The following PLD2 variants were observed in gnomAD, a reference collection of about 807,000 sequenced individuals.
PLD2 encodes phospholipase D2.
In PLD2, 101 loss-of-function variants were observed where a neutral mutation model predicts 119.8. The ratio of observed to expected loss-of-function variants is 0.84; its 90% CI spans 0.72 to 0.99. The LOEUF (loss-of-function observed/expected upper bound fraction) is 0.99. PLD2 is among the 50% of genes least tolerant of loss of function. The probability of loss-of-function intolerance (pLI) is 0.00; values close to 1 mark genes in which losing one functional copy is unlikely to be tolerated. For missense variants in PLD2, 1,164 were observed against 1,226.8 expected (o/e 0.95, Z 0.76); for synonymous variants, 494 against 482.8 (o/e 1.02, Z -0.30).
rs1452859523 is a variant in PLD2 at position 4,816,980 on chromosome 17, C to T, written c.1626C>T (p.Asp542=). The T allele has an allele frequency of 8.7e-6, 14 of 1,613,918 alleles. No individual in the cohort carries two copies. Among genetic ancestry groups the T allele is most frequent in the Non-Finnish European group, 1.1e-5 (13 of 1,179,944 alleles). The change falls in exon 16 of 25, where the codon GAC becomes GAT. Residue 542 remains aspartate, a synonymous_variant. Transcript: ENST00000263088. The stretch of plus-strand genomic sequence containing the variant: ...CGACCCCTCGGATGCCATGGCGGGA[C>T]GTTGGGGTGGTCGTCCATGGCCTAC... The part of the protein sequence containing the change: ...RETTPRMPWR[D]VGVVVHGLPA...
At chr17:4,810,135 C>T (rs966910822) in intron 9 of PLD2, 106 bp downstream of exon 9, 1 of 1,162,812 alleles carries the variant, frequency 8.6e-7, no homozygotes, top group African/African-American at 1.5e-5. Flanking sequence ...GGCTTTTCCA[C>T]CTCCCTGGAT....
Position 4,821,876 on chromosome 17 carries a change from T to C in PLD2, c.2546T>C (p.Met849Thr), listed in dbSNP as rs769207467. 4 of 1,613,332 alleles carry C rather than the reference T, an allele frequency of 2.5e-6. No individual in the cohort carries two copies. Among genetic ancestry groups the C allele is most frequent in the East Asian group, 2.2e-5 (1 of 44,876 alleles). The change falls in exon 24 of 25, where the codon ATG becomes ACG. Residue 849 changes from methionine to threonine, a missense_variant. By Grantham distance (81) the Met-to-Thr change is moderately conservative. Coordinates refer to ENST00000263088, the MANE Select transcript of PLD2 (RefSeq NM_002663.5). ...CDDFFQLWQD[M>T]AESNANIYEQ... ...GACTTCTTCCAGTTGTGGCAAGACA[T>C]GGCTGAGAGCAACGCCAATATCTAT...
Position 4,816,653 on chromosome 17 carries a change from C to T in PLD2, c.1489C>T (p.Pro497Ser), listed in dbSNP as rs769157537. Residue 497 changes from proline (P) to serine (S), a missense_variant, in exon 15 of 25, where the codon CCA (proline) becomes TCA (serine). By Grantham distance (74) the Pro-to-Ser change is moderately conservative. Coordinates refer to ENST00000263088, the MANE Select transcript of PLD2 (RefSeq NM_002663.5). ...CCCGCGCCCAGACTCACCAGCCACC[C>T]CAGACCTCTCTCACAACCAATTCTT... The part of the protein sequence containing the change: ...PTPRPDSPAT[P>S]DLSHNQFFWL... 27 of 1,613,984 alleles carry T rather than the reference C, an allele frequency of 1.7e-5. No homozygotes were observed. Among genetic ancestry groups the T allele is most frequent in the African/African-American group, 4.0e-5 (3 of 74,910 alleles).
intron 23 of PLD2, among the ~76,000 whole-genome samples, chr17:4,820,965 C>T (rs189369651): frequency 4.0e-5 from 6 of 150,172 alleles, no homozygotes; most frequent in East Asian, 4.0e-4. Context: ...TGCAGTGGCG[C>T]GATCTCGGCT....
intron 7 of PLD2, 70 bp downstream of exon 7, chr17:4,809,621 G>C: frequency 6.2e-7 from 1 of 1,609,030 alleles, no homozygotes; most frequent in Admixed American, 1.7e-5. Context: ...CCTGAGATTG[G>C]GGCAAGCAGT....
chr17:4,821,182 A>G (rs550531799), intron 23 of PLD2, among the ~76,000 whole-genome samples: 6 of 150,204 alleles, frequency 4.0e-5, no homozygotes, highest in African/African-American at 1.5e-4. Context: ...GATTACAGGC[A>G]TGAGCCACCG....
chr17:4,811,297 C>CTTTTTTTTT (rs35190261), intron 10 of PLD2, among the ~76,000 whole-genome samples: 1 of 77,824 alleles, frequency 1.3e-5, no homozygotes, highest in Non-Finnish European at 2.5e-5. Flanking sequence ...ATTTTCTTTT[C>CTTTTTTTTT]TTTTTTTTTT....
At position 4,821,998 on chromosome 17, in the gene PLD2, A is replaced by G. The variant is rs950100939; in HGVS notation, c.2577+91A>G. The G allele has an allele frequency of 7.5e-6, 6 of 800,114 alleles. No individual in the cohort carries two copies. The African/African-American group carries it at 8.5e-5, about 11-fold the overall frequency. The allele number at this position is 800,114 out of a possible 1,614,324, so 49.6% of individuals were successfully genotyped here. On this transcript the variant is annotated intron_variant, in intron 24 of 24. Transcript: ENST00000263088. ...AGGATGGAGAGAAGCGCCACCATAC[A>G]GTCATTATTGGAAGGGGGATGAGGG...
At chr17:4,821,975 G>C (rs1431324107) in intron 24 of PLD2, 68 bp downstream of exon 24, 2 of 994,312 alleles carry the variant, frequency 2.0e-6, no homozygotes, top group Non-Finnish European at 3.2e-6. Flanking sequence ...CTCAGGGTAG[G>C]ATGGAGAGAA....
At position 4,817,053 on chromosome 17, in the gene PLD2, A is replaced by T; in HGVS notation, c.1699A>T (p.Lys567Ter). 1 of 1,612,716 alleles carries T rather than the reference A, an allele frequency of 6.2e-7. No individual in the cohort carries two copies. Among genetic ancestry groups the T allele is most frequent in the East Asian group, 2.2e-5 (1 of 44,844 alleles). Reference protein sequence around the residue: ...RHFIQRWNFTKTTKAKYKTPT... With the variant: ...RHFIQRWNFT ...CTTCATCCAGCGCTGGAACTTCACC[A>T]AGGTGTTCATTCCCTCCGATAGGGG... Residue 567 changes from lysine (K) to a stop codon, truncating the protein, a stop_gained and splice_region_variant, in exon 16 of 25, where the codon AAG becomes TAG. Transcript: ENST00000263088. LOFTEE classifies it high-confidence loss of function.
chr17:4,808,482 AC>A lies in PLD2; in HGVS notation c.383+70del. On this transcript the variant is annotated intron_variant, in intron 4 of 24. Coordinates refer to ENST00000263088, the MANE Select transcript of PLD2 (RefSeq NM_002663.5). The surrounding 1 kb of genome is among the most constrained non-coding windows in gnomAD (Gnocchi z 4.1). The stretch of plus-strand genomic sequence containing the variant: ...CCCCACCCTCCTTTCTGTCTGTCTC[AC>A]CCCGGGGCCACAACCTTTCCTCCCT... 6.6e-7 allele frequency: 1 copy of A among 1,517,714 alleles called. No homozygotes were observed. The allele number at this position is 1,517,714 out of a possible 1,614,324, so 94.0% of individuals were successfully genotyped here.
In PLD2 at chr17:4,819,449, C is replaced by T. The variant is rs1907410796; in HGVS notation, c.2329C>T (p.Arg777Trp). 4 of 1,613,624 alleles carry T rather than the reference C, an allele frequency of 2.5e-6. No homozygotes were observed. The highest frequency in any genetic ancestry group is 1.3e-5 in the African/African-American group (1 of 74,908). ...VIIGSANIND[R>W]SLLGKRDSEL... is the part of the protein sequence containing the mutation. ...CCCAGGTTCTGCAAACATCAATGAC[C>T]GGAGCTTGCTGGGGAAGCGGGACAG... Residue 777 changes from arginine to tryptophan, a missense_variant, in exon 23 of 25, where the codon CGG becomes TGG. By Grantham distance (101) the Arg-to-Trp change is moderately radical. Coordinates refer to ENST00000263088, the MANE Select transcript of PLD2 (RefSeq NM_002663.5). The surrounding 1 kb of genome is among the most constrained non-coding windows in gnomAD (Gnocchi z 4.2).
intron 23 of PLD2, among the ~76,000 whole-genome samples, chr17:4,821,192 G>T (rs888756428): frequency 7.4e-6 from 1 of 134,998 alleles, no homozygotes; most frequent in Non-Finnish European, 1.5e-5. Flanking sequence ...ATGAGCCACC[G>T]TGCCCGGCCA....
intron 10 of PLD2, among the ~76,000 whole-genome samples, chr17:4,812,753 G>A (rs546100666): frequency 5.3e-5 from 8 of 152,266 alleles, no homozygotes; most frequent in Non-Finnish European, 1.2e-4. Context: ...TGGTGATTGC[G>A]TGGGAACATA....
chr17:4,808,402 G>C lies in PLD2; in HGVS notation c.369G>C (p.Leu123=). 1 of 1,613,838 alleles carries C rather than the reference G, an allele frequency of 6.2e-7. No individual in the cohort carries two copies. The highest frequency in any genetic ancestry group is 8.5e-7 in the Non-Finnish European group (1 of 1,179,836). ...TGAGACACAAAGTCTTGATGAGTCTGCTCCCTCTGGCTCGGTGAGGGCGAC... is the reference window on the plus strand; with the variant it reads ...TGAGACACAAAGTCTTGATGAGTCTCCTCCCTCTGGCTCGGTGAGGGCGAC... ...DLLRHKVLMS[L]LPLARFAVAY... is the part of the protein sequence containing the mutation. Residue 123 remains leucine (L), a synonymous_variant, in exon 4 of 25, where the codon CTG becomes CTC. Transcript: ENST00000263088. The surrounding 1 kb of genome is among the most constrained non-coding windows in gnomAD (Gnocchi z 4.1).
At chr17:4,815,960 C>A in intron 14 of PLD2, 26 bp downstream of exon 14, 1 of 1,510,624 alleles carries the variant, frequency 6.6e-7, no homozygotes, top group Non-Finnish European at 9.2e-7. Context: ...CCTTCCTGAG[C>A]ACCCCCAAAC....
chr17:4,812,202 A>T (rs1184406690), intron 10 of PLD2, among the ~76,000 whole-genome samples: 3 of 149,776 alleles, frequency 2.0e-5, no homozygotes, highest in African/African-American at 7.4e-5. Flanking sequence ...CTGCAACCTC[A>T]GCCTCCCAGG....
Position 4,814,506 on chromosome 17 carries a change from G to A in PLD2, c.1094+5G>A, listed in dbSNP as rs770991105. The A allele has an allele frequency of 1.2e-6, 2 of 1,613,156 alleles. No homozygotes were observed. The highest frequency in any genetic ancestry group is 1.1e-5 in the South Asian group (1 of 90,894). ...GATTTTCATCACAGACTGGTGGTGA[G>A]TGGGAAAAGGCCCCAACAACATGGG... On this transcript the variant is annotated splice_donor_5th_base_variant and intron_variant, in intron 11 of 24. Transcript: ENST00000263088.
In PLD2 at chr17:4,808,527, C is replaced by T. The variant is rs1170803578; in HGVS notation, c.383+111C>T. The T allele has an allele frequency of 7.9e-5, 80 of 1,011,540 alleles. No individual in the cohort carries two copies. The highest frequency in any genetic ancestry group is 1.1e-4 in the Non-Finnish European group (77 of 670,170). 62.7% of individuals were successfully genotyped at this position (1,011,540 alleles called of 1,614,324 possible). ...CCTCCCTGCAACTCTGGCCACTGTG[C>T]TGCCTCCCCTGACCCCAGTTACCAG... On this transcript the variant is annotated intron_variant, in intron 4 of 24. Coordinates refer to ENST00000263088, the MANE Select transcript of PLD2 (RefSeq NM_002663.5). This position sits in a 1 kb window ranked among gnomAD's most constrained non-coding sequence, Gnocchi z 4.1.
Sources: allele counts gnomAD v4.1 joint callset (sites outside exome capture counted in the v4.1 genomes callset), GRCh38; gene constraint gnomAD v4.1.1; non-coding constraint Gnocchi (gnomAD v3.1); transcripts MANE v1.5; gene names NCBI Gene and HGNC (gene_info 2026-07-23, HGNC 2026-07-21).